The following MS4A6E variants were observed in gnomAD, a reference collection of about 807,000 sequenced individuals.
MS4A6E encodes the protein membrane spanning 4-domains A6E.
In MS4A6E, 8 loss-of-function variants were observed where a neutral mutation model predicts 13.2. The observed-to-expected ratio is 0.60, with a 90% CI of 0.35 to 1.09. MS4A6E has a LOEUF of 1.09. Among genes scored for constraint, MS4A6E ranks in the 50% least tolerant of loss-of-function variants. The pLI, the probability that MS4A6E is intolerant of heterozygous loss-of-function variation, is 0.02. For missense variants in MS4A6E, 177 were observed against 171.1 expected (o/e 1.03, Z -0.19); for synonymous variants, 72 against 67.6 (o/e 1.06, Z -0.32).
intron 3 of MS4A6E, chr11:60,338,588 A>G (rs1419152611): frequency 6.6e-6 from 1 of 152,288 alleles, no homozygotes; most frequent in Non-Finnish European, 1.5e-5. Context: ...TTATCGCAGG[A>G]GAATTCTCTC....
chr11:60,337,875 C>T lies in MS4A6E; in HGVS notation c.282C>T (p.Thr94=), dbSNP rs148669698. The T allele has an allele frequency of 2.5e-6, 4 of 1,614,108 alleles. No homozygotes were observed. In the African/African-American group the frequency reaches 5.3e-5, roughly 22 times the overall value. ...QCKLDEKDIP[T]RLLLSYDYHS... is the part of the protein sequence containing the mutation. ...AGTTGGACGAAAAGGATATACCAACCAGACTTCTTCTTTCTTATGATTATC... is the reference window on the plus strand; with the variant it reads ...AGTTGGACGAAAAGGATATACCAACTAGACTTCTTCTTTCTTATGATTATC... Residue 94 remains threonine, a synonymous_variant, in exon 3 of 5, where the codon ACC becomes ACT. Coordinates refer to ENST00000684409, the MANE Select transcript of MS4A6E (RefSeq NM_139249.4).
intron 3 of MS4A6E, chr11:60,338,819 A>T (rs1246076266): frequency 6.6e-6 from 1 of 152,254 alleles, no homozygotes; most frequent in South Asian, 2.1e-4. Flanking sequence ...GGTCAAATTC[A>T]TGCTTGTACA....
chr11:60,334,759 A>G, intron 1 of MS4A6E, 123 bp from the exon 2 acceptor site: 1 of 1,019,626 alleles, frequency 9.8e-7, no homozygotes, highest in Non-Finnish European at 1.4e-6. Context: ...CCATAATATC[A>G]GTTTCTTTCT....
At chr11:60,345,414 T>A (rs145073575), downstream of MS4A6E, among the ~76,000 whole-genome samples, 226 of 152,330 alleles carry the variant, frequency 1.5e-3, no homozygotes, top group African/African-American at 5.2e-3. Flanking sequence ...TGCTTGTGGC[T>A]GGAGAGAGAG....
chr11:60,348,864 G>A (rs1590779876), intron 4 of MS4A6E, among the ~76,000 whole-genome samples: 5 of 152,242 alleles, frequency 3.3e-5, no homozygotes, highest in Non-Finnish European at 7.3e-5. Flanking sequence ...GGATGCCCGG[G>A]ATTTTTATTT....
chr11:60,334,697 A>T, intron 1 of MS4A6E, 185 bp from the exon 2 acceptor site: 1 of 629,902 alleles, frequency 1.6e-6, no homozygotes, highest in Non-Finnish European at 2.7e-6. Flanking sequence ...GGACTGTGTC[A>T]AACATTATGG....
rs776258697 is a variant in MS4A6E, at chr11:60,337,909, T to C, written c.316T>C (p.Tyr106His). ...TCTTTCTTATGATTATCATTCACCT[T>C]ACACCATGGACTGCCATAGAGCCAA... ...LLLSYDYHSP[Y>H]TMDCHRAKAS... The change falls in exon 3 of 5, where the codon TAC (tyrosine) becomes CAC (histidine). Residue 106 changes from tyrosine (Y) to histidine (H), a missense_variant. Transcript: ENST00000684409. 6.2e-7 allele frequency: 1 copy of C among 1,614,232 alleles called. No homozygotes were observed. Among genetic ancestry groups the C allele is most frequent in the Non-Finnish European group, 8.5e-7 (1 of 1,180,042 alleles).
chr11:60,345,773 T>G (rs935754463), downstream of MS4A6E, among the ~76,000 whole-genome samples: 1 of 152,012 alleles, frequency 6.6e-6, no homozygotes, highest in Non-Finnish European at 1.5e-5. Context: ...TTTCCCAGGG[T>G]TAATTTGGTG....
At chr11:60,348,946 G>A (rs2085267573) in intron 4 of MS4A6E, among the ~76,000 whole-genome samples, 1 of 152,196 alleles carries the variant, frequency 6.6e-6, no homozygotes, top group African/African-American at 2.4e-5. Context: ...TCTATACTCA[G>A]GAGAAGAATG....
intron 4 of MS4A6E, among the ~76,000 whole-genome samples, chr11:60,340,524 T>C (rs2135064428): frequency 6.6e-6 from 1 of 152,380 alleles, no homozygotes; most frequent in South Asian, 2.1e-4. Flanking sequence ...TATGGACTTA[T>C]TGCTTTATTT....
At chr11:60,328,902 G>A (rs1246559617) in intron 1 of MS4A6E, among the ~76,000 whole-genome samples, 2 of 152,172 alleles carry the variant, frequency 1.3e-5, no homozygotes, top group Non-Finnish European at 2.9e-5. Context: ...TATTGTATTT[G>A]GCATTTTTGC....
At chr11:60,345,457 A>G (rs2085252236), downstream of MS4A6E, among the ~76,000 whole-genome samples, 1 of 152,206 alleles carries the variant, frequency 6.6e-6, no homozygotes, top group Admixed American at 6.5e-5. Context: ...TAGAGTGGCT[A>G]CTGCATATCC....
At chr11:60,332,439 A>G (rs11827324) in intron 1 of MS4A6E, among the ~76,000 whole-genome samples, 45,714 of 152,208 alleles carry the variant, frequency 0.3, 7,583 homozygotes, top group South Asian at 0.46. Context: ...TTTGGACCCA[A>G]AACAACTATC....
At chr11:60,348,452 G>A (rs1200967863) in intron 4 of MS4A6E, among the ~76,000 whole-genome samples, 1 of 152,188 alleles carries the variant, frequency 6.6e-6, no homozygotes, top group African/African-American at 2.4e-5. Context: ...TATGGCATTT[G>A]CTAATCTTTC....
At chr11:60,334,231 G>A (rs2085174594) in intron 1 of MS4A6E, among the ~76,000 whole-genome samples, 1 of 152,146 alleles carries the variant, frequency 6.6e-6, no homozygotes, top group Non-Finnish European at 1.5e-5. Context: ...ACACCAGGGG[G>A]AGAAAGAGGT....
intron 2 of MS4A6E, chr11:60,335,659 T>C: frequency 2.3e-6 from 1 of 438,324 alleles, no homozygotes; most frequent in South Asian, 1.6e-5. Context: ...GGTGAGGCAC[T>C]CTGTTTGACT....
At chr11:60,342,172 T>A (rs1264060032), downstream of MS4A6E, among the ~76,000 whole-genome samples, 4 of 31,658 alleles carry the variant, frequency 1.3e-4, no homozygotes, top group African/African-American at 4.3e-4. Context: ...TGTGTGTGTG[T>A]GTGTGTGAGA....
downstream of MS4A6E, among the ~76,000 whole-genome samples, chr11:60,341,494 T>C (rs1322217776): frequency 6.6e-6 from 1 of 152,192 alleles, no homozygotes; most frequent in Non-Finnish European, 1.5e-5. Context: ...TTATCTGTTA[T>C]GAAGAGACAA....
At chr11:60,341,625 G>C (rs990305126), downstream of MS4A6E, among the ~76,000 whole-genome samples, 6 of 151,944 alleles carry the variant, frequency 3.9e-5, no homozygotes, top group African/African-American at 1.5e-4. Context: ...GTGTAAAAAA[G>C]TATTTCAATT....
Sources: allele counts gnomAD v4.1 joint callset (sites outside exome capture counted in the v4.1 genomes callset), GRCh38; gene constraint gnomAD v4.1.1; transcripts MANE v1.5; gene names NCBI Gene and HGNC (gene_info 2026-07-23, HGNC 2026-07-21).